The following NFATC2 variants were observed in gnomAD, a reference collection of about 807,000 sequenced individuals.
The protein encoded by NFATC2 is nuclear factor of activated T-cells, cytoplasmic 2.
Under a neutral mutation model 87.3 loss-of-function variants are expected in NFATC2, and 22 were observed. The observed-to-expected ratio is 0.25, with a 90% CI of 0.18 to 0.36. The LOEUF (loss-of-function observed/expected upper bound fraction) is 0.36, where lower values mean the gene tolerates loss of function less well. Among genes scored for constraint, NFATC2 ranks in the 10% least tolerant of loss-of-function variants. NFATC2 has a pLI of 1.00. For missense variants in NFATC2, 1,149 were observed against 1,259.1 expected, an observed-to-expected ratio of 0.91 and a Z score of 1.32; for synonymous variants, 565 against 542.2, an observed-to-expected ratio of 1.04 and a Z score of -0.58.
At position 51,486,210 on chromosome 20, in the gene NFATC2, C is replaced by CAA. The variant is rs1295285431; in HGVS notation, c.1333-10552_1333-10551dup. Among the ~76,000 whole-genome samples the CAA allele has an allele frequency of 2.3e-3, 334 of 146,136 alleles. 2 individuals carry two copies. Among genetic ancestry groups the CAA allele is most frequent in the African/African-American group, 8.1e-3 (321 of 39,596 alleles). Reference sequence around the variant, plus strand: ...TGGGTGACAGAGCGAGACACTGCCTCAAACAAAAAAAAGAAGAAGAAAATC... The same window carrying CAA: ...TGGGTGACAGAGCGAGACACTGCCTCAAAAACAAAAAAAAGAAGAAGAAAATC... On this transcript the variant is annotated intron_variant, in intron 3 of 10. Transcript: ENST00000371564.
intron 5 of NFATC2, 147 bp downstream of exon 5, chr20:51,473,833 T>C: frequency 1.4e-6 from 1 of 733,548 alleles, no homozygotes; most frequent in Non-Finnish European, 2.2e-6. Flanking sequence ...CTGTCCCCTC[T>C]GGTCATCTTG....
chr20:51,414,036 G>C (rs1181712192), intron 9 of NFATC2, among the ~76,000 whole-genome samples: 1 of 152,108 alleles, frequency 6.6e-6, no homozygotes, highest in Non-Finnish European at 1.5e-5. Flanking sequence ...TTAAACCCAG[G>C]CAGTCTCGGT....
chr20:51,452,674 G>A (rs532894411), intron 6 of NFATC2, among the ~76,000 whole-genome samples: 1 of 152,252 alleles, frequency 6.6e-6, no homozygotes, highest in East Asian at 1.9e-4. Context: ...CCTCTCCTGT[G>A]TGCTAAATCT....
Position 51,432,493 on chromosome 20 carries a change from G to A in NFATC2, c.2296C>T (p.Gln766Ter). The change falls in exon 9 of 11, where the codon CAG becomes TAG. Residue 766 changes from glutamine (Q) to a stop codon, truncating the protein, a stop_gained. Coordinates refer to ENST00000371564, the MANE Select transcript of NFATC2 (RefSeq NM_012340.5). LOFTEE classifies it high-confidence loss of function. The surrounding 1 kb of genome is among the most constrained non-coding windows in gnomAD (Gnocchi z 4.6). The part of the protein sequence containing the change: ...KSLSPSLLGY[Q>*]QPALMAAPLS... Reference sequence around the variant, plus strand: ...GGGGCGGCCATGAGGGCCGGCTGCTGATAGCCCAGCAGGCTGGGGCTCAGG... The same window carrying A: ...GGGGCGGCCATGAGGGCCGGCTGCTAATAGCCCAGCAGGCTGGGGCTCAGG... 1 of 1,555,806 alleles carries A rather than the reference G, an allele frequency of 6.4e-7. No homozygotes were observed. Among genetic ancestry groups the A allele is most frequent in the Non-Finnish European group, 8.7e-7 (1 of 1,151,136 alleles).
At position 51,464,190 on chromosome 20, in the gene NFATC2, G is replaced by C. The variant is rs538032192; in HGVS notation, c.1709-9502C>G. Among the ~76,000 whole-genome samples, 4 of 152,282 alleles carry C rather than the reference G, an allele frequency of 2.6e-5. No individual in the cohort carries two copies. In the South Asian group the frequency reaches 8.3e-4, roughly 32 times the overall value. On this transcript the variant is annotated intron_variant, in intron 5 of 10. Transcript: ENST00000371564. The stretch of plus-strand genomic sequence containing the variant: ...CGTAAAGCCTGCTTTACAGAACTAC[G>C]GGAGGGCTGCAGGCAAGACAATGAG...
At chr20:51,505,487 T>C (rs2074626255) in intron 3 of NFATC2, among the ~76,000 whole-genome samples, 1 of 151,822 alleles carries the variant, frequency 6.6e-6, no homozygotes, top group African/African-American at 2.4e-5. Flanking sequence ...ATATATATAA[T>C]TTATATGTGT....
At chr20:51,457,786 G>T (rs1229382725) in intron 5 of NFATC2, among the ~76,000 whole-genome samples, 1 of 151,886 alleles carries the variant, frequency 6.6e-6, no homozygotes, top group Non-Finnish European at 1.5e-5. Context: ...GAGCCCATGT[G>T]ATTCTTGCGC....
At position 51,506,899 on chromosome 20, in the gene NFATC2, G is replaced by A. The variant is rs552876721; in HGVS notation, c.1332+9885C>T. ...TTCACCTAAGGTCCCTCAGTGGCGA[G>A]GGCGGAGGCAAGGGCAGAACCTGAA... On this transcript the variant is annotated intron_variant, in intron 3 of 10. Transcript: ENST00000371564. Among the ~76,000 whole-genome samples the A allele has an allele frequency of 2.6e-5, 4 of 152,332 alleles. No homozygotes were observed. In the South Asian group the frequency reaches 8.3e-4, roughly 32 times the overall value.
chr20:51,499,804 C>G (rs1600879416), intron 3 of NFATC2, among the ~76,000 whole-genome samples: 1 of 151,872 alleles, frequency 6.6e-6, no homozygotes, highest in African/African-American at 2.4e-5. Flanking sequence ...TGCTTCCTAC[C>G]TGTAAAAGCT....
chr20:51,541,883 G>A (rs2076822768), intron 1 of NFATC2, among the ~76,000 whole-genome samples: 2 of 152,178 alleles, frequency 1.3e-5, no homozygotes, highest in Non-Finnish European at 2.9e-5. Flanking sequence ...TCACTTCAGT[G>A]CCTGGAGGGA....
At chr20:51,463,708 C>T (rs1987385679) in intron 5 of NFATC2, among the ~76,000 whole-genome samples, 1 of 152,200 alleles carries the variant, frequency 6.6e-6, no homozygotes, top group African/African-American at 2.4e-5. Context: ...CCTCAGCCTG[C>T]AGGCGCCCAC....
intron 5 of NFATC2, among the ~76,000 whole-genome samples, chr20:51,457,435 G>T (rs534114618): frequency 3.3e-4 from 51 of 152,302 alleles, no homozygotes; most frequent in Admixed American, 6.5e-4. Flanking sequence ...CGGACAGTTG[G>T]GCTGTGAATC....
chr20:51,407,845 G>A (rs979622084), intron 9 of NFATC2, among the ~76,000 whole-genome samples: 6 of 152,224 alleles, frequency 3.9e-5, no homozygotes, highest in South Asian at 2.1e-4. Context: ...TTGTTTCTTC[G>A]TTTGTGAATA....
chr20:51,514,431 G>A (rs2076319806), intron 3 of NFATC2, among the ~76,000 whole-genome samples: 1 of 152,332 alleles, frequency 6.6e-6, no homozygotes, highest in Admixed American at 6.5e-5. Flanking sequence ...GATATACAAT[G>A]AAGAATAAGA....
At chr20:51,431,838 G>A (rs1468739202) in intron 9 of NFATC2, among the ~76,000 whole-genome samples, 1 of 152,016 alleles carries the variant, frequency 6.6e-6, no homozygotes, top group Non-Finnish European at 1.5e-5. Flanking sequence ...TCTGGAGGGG[G>A]GCATCTGAAA....
rs541343903 is a variant in NFATC2 at position 51,429,436 on chromosome 20, C to G, written c.2722+2631G>C. On this transcript the variant is annotated intron_variant, in intron 9 of 10. Coordinates refer to ENST00000371564, the MANE Select transcript of NFATC2 (RefSeq NM_012340.5). ...CAGCTCTGGCCTCAGGAATGTGCAG[C>G]CCCCAAATTGAGAAGCCGGACTATG... 5.4e-4 allele frequency among the ~76,000 whole-genome samples: 82 copies of G among 152,378 alleles called. 1 individual carries two copies. Among genetic ancestry groups the G allele is most frequent in the African/African-American group, 1.9e-3 (79 of 41,592 alleles).
At chr20:51,439,055 C>A (rs556266454) in intron 6 of NFATC2, among the ~76,000 whole-genome samples, 99 of 152,286 alleles carry the variant, frequency 6.5e-4, no homozygotes, top group African/African-American at 2.3e-3. Flanking sequence ...GGTCACTCAC[C>A]ACAAAGATTC....
intron 2 of NFATC2, among the ~76,000 whole-genome samples, chr20:51,520,786 G>A (rs531433277): frequency 2.4e-4 from 36 of 151,920 alleles, no homozygotes; most frequent in African/African-American, 8.0e-4. Context: ...TCAGCCTCCC[G>A]AGTAGCTGGG....
chr20:51,442,178 T>A (rs1165843877), intron 6 of NFATC2, among the ~76,000 whole-genome samples: 1 of 152,184 alleles, frequency 6.6e-6, no homozygotes, highest in Non-Finnish European at 1.5e-5. Context: ...ACGCCTGTAA[T>A]CCCAGCACTT....
Sources: allele counts gnomAD v4.1 joint callset (sites outside exome capture counted in the v4.1 genomes callset), GRCh38; gene constraint gnomAD v4.1.1; non-coding constraint Gnocchi (gnomAD v3.1); transcripts MANE v1.5; gene names NCBI Gene and HGNC (gene_info 2026-07-23, HGNC 2026-07-21).